SMAP2: variants seen among roughly 807,000 people sequenced by gnomAD.
SMAP2 encodes stromal membrane-associated protein 2.
In SMAP2, 25 loss-of-function variants were observed where a neutral mutation model predicts 56.4. The observed-to-expected ratio is 0.44, with a 90% CI of 0.32 to 0.62. SMAP2 has a LOEUF of 0.62. SMAP2 is among the 20% of genes least tolerant of loss of function. The pLI, the probability that SMAP2 is intolerant of heterozygous loss-of-function variation, is 0.04. For missense variants in SMAP2, 388 were observed against 545.6 expected, an observed-to-expected ratio of 0.71 and a Z score of 2.88; for synonymous variants, 157 against 181.7, an observed-to-expected ratio of 0.86 and a Z score of 1.09.
upstream of SMAP2, among the ~76,000 whole-genome samples, chr1:40,371,153 CAG>C (rs1644494828): frequency 6.6e-6 from 1 of 151,548 alleles, no homozygotes; most frequent in Admixed American, 6.6e-5. Flanking sequence ...AGCCTGGCGA[CAG>C]AGCGAGACTC....
In SMAP2 at chr1:40,393,275, C is replaced by G. The variant is rs1644734781; in HGVS notation, c.104-13461C>G. 15 of 1,475,050 alleles carry G rather than the reference C, an allele frequency of 1.0e-5. No homozygotes were observed. The South Asian group carries it at 1.6e-4, about 16-fold the overall frequency. 91.4% of individuals were successfully genotyped at this position (1,475,050 alleles called of 1,614,324 possible). ...TAGGAGATTGAGGCTGCACTGCACT[C>G]TAGCTTGGGCAACAAAGCAACAAAC... On this transcript the variant is annotated intron_variant, in intron 1 of 9. Coordinates refer to ENST00000372718, the MANE Select transcript of SMAP2 (RefSeq NM_022733.3).
At chr1:40,393,301 C>A in intron 1 of SMAP2, 1 of 1,508,372 alleles carries the variant, frequency 6.6e-7, no homozygotes, top group Non-Finnish European at 8.8e-7. Context: ...AGCAACAAAC[C>A]CTATCTTAGA....
At chr1:40,363,763 A>G (rs1395693775) in intron 2 of SMAP2, among the ~76,000 whole-genome samples, 1 of 152,184 alleles carries the variant, frequency 6.6e-6, no homozygotes, top group African/African-American at 2.4e-5. Context: ...AGCCGTGTGG[A>G]TCAGAGAGAG....
chr1:40,402,521 C>T (rs1321688762), intron 1 of SMAP2, among the ~76,000 whole-genome samples: 1 of 149,916 alleles, frequency 6.7e-6, no homozygotes, highest in East Asian at 2.0e-4. Flanking sequence ...GTGATCTCGG[C>T]TCATTGCAAC....
chr1:40,368,472 G>A (rs1455413672), intron 2 of SMAP2, among the ~76,000 whole-genome samples: 2 of 11,740 alleles, frequency 1.7e-4, no homozygotes, highest in Admixed American at 1.4e-3. Context: ...CTGGCAAACC[G>A]AATCCAGCAG....
intron 1 of SMAP2, among the ~76,000 whole-genome samples, chr1:40,404,938 A>G (rs955110003): frequency 6.6e-5 from 10 of 152,200 alleles, no homozygotes; most frequent in African/African-American, 2.4e-4. Flanking sequence ...AGGAATGTGA[A>G]GGGACTAAAT....
At chr1:40,349,378 C>T (rs1176838045) in intron 1 of SMAP2, among the ~76,000 whole-genome samples, 1 of 152,120 alleles carries the variant, frequency 6.6e-6, no homozygotes, top group East Asian at 1.9e-4. Flanking sequence ...CCTTTTTATC[C>T]TCATGTTACA....
chr1:40,350,644 C>T (rs1431895427), intron 1 of SMAP2, among the ~76,000 whole-genome samples: 2 of 152,140 alleles, frequency 1.3e-5, no homozygotes, highest in Non-Finnish European at 2.9e-5. Context: ...AGGGCCCCAA[C>T]CTGTGAATCC....
intron 1 of SMAP2, among the ~76,000 whole-genome samples, chr1:40,379,035 G>A (rs910757849): frequency 4.7e-5 from 7 of 149,546 alleles, no homozygotes; most frequent in South Asian, 2.1e-4. Flanking sequence ...GCTGGCGTGC[G>A]ATGGCAAGAT....
At position 40,395,049 on chromosome 1, in the gene SMAP2, A is replaced by G. The variant is rs542084591; in HGVS notation, c.104-11687A>G. Among the ~76,000 whole-genome samples the G allele has an allele frequency of 1.2e-3, 180 of 152,336 alleles. 1 individual carries two copies. Among genetic ancestry groups the G allele is most frequent in the African/African-American group, 3.9e-3 (162 of 41,584 alleles). On this transcript the variant is annotated intron_variant, in intron 1 of 9. Transcript: ENST00000372718. ...GTGTATAGAAGTGAGAAGAGGAGTA[A>G]TGAGAATTAAAGACCCAGATCACAG...
chr1:40,379,555 CTTTTT>C (rs35398664), intron 1 of SMAP2, among the ~76,000 whole-genome samples: 6 of 78,112 alleles, frequency 7.7e-5, no homozygotes, highest in Non-Finnish European at 1.5e-4. Context: ...TGTTGTCTCT[CTTTTT>C]TTTTTTTTTT....
At chr1:40,421,651 G>C (rs1362266165) in intron 9 of SMAP2, among the ~76,000 whole-genome samples, 1 of 152,112 alleles carries the variant, frequency 6.6e-6, no homozygotes, top group East Asian at 1.9e-4. Context: ...GTTAACAATA[G>C]GCCCCTTCTA....
chr1:40,357,473 C>CAA (rs202073076), intron 1 of SMAP2, among the ~76,000 whole-genome samples: 10,972 of 141,482 alleles, frequency 0.078, 568 homozygotes, highest in East Asian at 0.21. Context: ...ACAACAACCA[C>CAA]AAAAAAAAAA....
chr1:40,388,239 G>A (rs866128588), intron 1 of SMAP2, among the ~76,000 whole-genome samples: 9 of 152,234 alleles, frequency 5.9e-5, no homozygotes, highest in African/African-American at 1.7e-4. Context: ...GTGTGTGGGC[G>A]CACAGCGCGG....
intron 1 of SMAP2, among the ~76,000 whole-genome samples, chr1:40,359,092 T>A (rs2124172636): frequency 6.6e-6 from 1 of 152,328 alleles, no homozygotes; most frequent in African/African-American, 2.4e-5. Context: ...ATTTTCAGTC[T>A]ATGTGTATCT....
chr1:40,421,545 G>A (rs1046379901), intron 9 of SMAP2, among the ~76,000 whole-genome samples: 95 of 151,858 alleles, frequency 6.3e-4, no homozygotes, highest in Admixed American at 4.8e-3. Flanking sequence ...CTGCTCAAGC[G>A]CTTTCCCTGA....
chr1:40,414,208 C>T lies in SMAP2; in HGVS notation c.539C>T (p.Ser180Phe). The change falls in exon 6 of 10, where the codon TCC (serine) becomes TTC (phenylalanine). Residue 180 changes from serine (S) to phenylalanine (F), a missense_variant. Physicochemically the swap from Ser to Phe is radical, Grantham distance 155 (BLOSUM62 -2). Coordinates refer to ENST00000372718, the MANE Select transcript of SMAP2 (RefSeq NM_022733.3). ...CTACCTCGGAAAAGCTCCCCGAAAT[C>T]CACAGCGCCTGTCATGGATTTGTTG... Reference protein sequence around the residue: ...PQLPRKSSPKSTAPVMDLLGL... With the variant: ...PQLPRKSSPKFTAPVMDLLGL... 1 of 1,614,198 alleles carries T rather than the reference C, an allele frequency of 6.2e-7. No homozygotes were observed. The highest frequency in any genetic ancestry group is 1.3e-5 in the African/African-American group (1 of 75,048).
At position 40,374,070 on chromosome 1, in the gene SMAP2, T is replaced by C; in HGVS notation, c.-51T>C. 3 of 1,447,170 alleles carry C rather than the reference T, an allele frequency of 2.1e-6. No homozygotes were observed. Among genetic ancestry groups the C allele is most frequent in the African/African-American group, 1.4e-5 (1 of 71,740 alleles). 89.6% of individuals were successfully genotyped at this position (1,447,170 alleles called of 1,614,324 possible). On this transcript the variant is annotated 5_prime_UTR_variant, in exon 1 of 10. Coordinates refer to ENST00000372718, the MANE Select transcript of SMAP2 (RefSeq NM_022733.3). This position sits in a 1 kb window ranked among gnomAD's most constrained non-coding sequence, Gnocchi z 5.9. Reference sequence around the variant, plus strand: ...TCAACCCCGGACTGAGGCAGGGGTCTCTGGGGGCGAGGAGGGCGCGTCGCC... The same window carrying C: ...TCAACCCCGGACTGAGGCAGGGGTCCCTGGGGGCGAGGAGGGCGCGTCGCC...
chr1:40,421,511 T>A lies in SMAP2; in HGVS notation c.1165-465T>A, dbSNP rs79157353. 9.6e-3 allele frequency among the ~76,000 whole-genome samples: 1,466 copies of A among 152,106 alleles called. 21 individuals carry two copies. Among genetic ancestry groups the A allele is most frequent in the African/African-American group, 0.032 (1,328 of 41,482 alleles). On this transcript the variant is annotated intron_variant, in intron 9 of 9. Coordinates refer to ENST00000372718, the MANE Select transcript of SMAP2 (RefSeq NM_022733.3). ...TTCTGAACAGTCCAGTTCCTTTTTTTCCCCCTTGTGCAAACGAGCAAGCCT... is the reference window on the plus strand; with the variant it reads ...TTCTGAACAGTCCAGTTCCTTTTTTACCCCCTTGTGCAAACGAGCAAGCCT...
Sources: allele counts gnomAD v4.1 joint callset (sites outside exome capture counted in the v4.1 genomes callset), GRCh38; gene constraint gnomAD v4.1.1; non-coding constraint Gnocchi (gnomAD v3.1); transcripts MANE v1.5; gene names NCBI Gene and HGNC (gene_info 2026-07-23, HGNC 2026-07-21).